The following SPECC1L variants were observed in gnomAD, a reference collection of about 807,000 sequenced individuals.
SPECC1L encodes the protein cytospin-A.
SPECC1L carries 40 observed loss-of-function variants against 116.8 expected under a neutral mutation model. That is an observed-to-expected ratio of 0.34 (90% confidence interval 0.27 to 0.45). The LOEUF (loss-of-function observed/expected upper bound fraction) is 0.45, where lower values mean the gene tolerates loss of function less well. SPECC1L is among the 20% of genes least tolerant of loss of function. The probability of loss-of-function intolerance (pLI) is 1.00; values close to 1 mark genes in which losing one functional copy is unlikely to be tolerated. For missense variants in SPECC1L, 1,110 were observed against 1,373.6 expected, an observed-to-expected ratio of 0.81 and a Z score of 3.03; for synonymous variants, 504 against 500.6, an observed-to-expected ratio of 1.01 and a Z score of -0.09.
intron 6 of SPECC1L, among the ~76,000 whole-genome samples, chr22:24,327,520 T>C (rs576432851): frequency 6.6e-6 from 1 of 152,180 alleles, no homozygotes; most frequent in South Asian, 2.1e-4. Context: ...AAGCAGGTGT[T>C]CACTATGCCT....
intron 14 of SPECC1L, among the ~76,000 whole-genome samples, chr22:24,384,900 C>T (rs2042131458): frequency 6.6e-6 from 1 of 151,914 alleles, no homozygotes; most frequent in Non-Finnish European, 1.5e-5. Flanking sequence ...CATAGTGAAA[C>T]CCCGTCTCAA....
chr22:24,335,819 C>T (rs1409663654), intron 9 of SPECC1L, among the ~76,000 whole-genome samples: 2 of 151,360 alleles, frequency 1.3e-5, no homozygotes, highest in African/African-American at 4.9e-5. Flanking sequence ...AAGTATTATG[C>T]ATAAAGATGG....
chr22:24,372,665 A>G (rs1054520388), intron 14 of SPECC1L, among the ~76,000 whole-genome samples: 9 of 151,236 alleles, frequency 6.0e-5, no homozygotes, highest in African/African-American at 2.0e-4. Flanking sequence ...CACAGCCAAT[A>G]TCATACTGAA....
At chr22:24,374,185 T>G (rs899141155) in intron 14 of SPECC1L, among the ~76,000 whole-genome samples, 8 of 152,034 alleles carry the variant, frequency 5.3e-5, no homozygotes, top group Non-Finnish European at 1.0e-4. Flanking sequence ...GACTGTAAAC[T>G]AGTTCAACCA....
At chr22:24,303,293 T>G (rs1032275966) in intron 3 of SPECC1L, among the ~76,000 whole-genome samples, 5 of 152,202 alleles carry the variant, frequency 3.3e-5, no homozygotes, top group Admixed American at 6.5e-5. Context: ...CCAGGCTTAT[T>G]CCCTTGGCTC....
chr22:24,317,979 G>A (rs1177139182), intron 4 of SPECC1L, among the ~76,000 whole-genome samples: 1 of 150,806 alleles, frequency 6.6e-6, no homozygotes, highest in South Asian at 2.1e-4. Flanking sequence ...CCGGGAAGAG[G>A]CGCTCCTCAC....
intron 14 of SPECC1L, among the ~76,000 whole-genome samples, chr22:24,411,127 T>G (rs1352749258): frequency 2.6e-5 from 4 of 151,904 alleles, no homozygotes; most frequent in South Asian, 2.1e-4. Context: ...AGGTAGAGGT[T>G]GTAGTGAGCC....
chr22:24,343,118 C>T (rs556262574), intron 10 of SPECC1L, among the ~76,000 whole-genome samples: 13 of 152,164 alleles, frequency 8.5e-5, no homozygotes, highest in East Asian at 1.9e-4. Flanking sequence ...CACTTTAACC[C>T]GGGAGGCAGA....
intron 4 of SPECC1L, among the ~76,000 whole-genome samples, chr22:24,316,111 G>A (rs1041938285): frequency 2.0e-5 from 3 of 152,168 alleles, no homozygotes; most frequent in South Asian, 2.1e-4. Context: ...TTATTCTTCA[G>A]TTCATCTGCT....
At chr22:24,393,780 GAT>G (rs913788287) in intron 14 of SPECC1L, among the ~76,000 whole-genome samples, 2 of 152,086 alleles carry the variant, frequency 1.3e-5, no homozygotes, top group Admixed American at 1.3e-4. Context: ...ATCACCACAT[GAT>G]AGACAAACCA....
intron 1 of SPECC1L, among the ~76,000 whole-genome samples, chr22:24,273,458 A>G (rs1295880404): frequency 1.3e-5 from 2 of 152,224 alleles, no homozygotes; most frequent in Non-Finnish European, 2.9e-5. Flanking sequence ...AATGATGGTG[A>G]TAGTAAATGG....
chr22:24,351,395 G>A (rs974376745), intron 11 of SPECC1L, among the ~76,000 whole-genome samples: 1 of 152,174 alleles, frequency 6.6e-6, no homozygotes, highest in Non-Finnish European at 1.5e-5. Flanking sequence ...TGTAGGCCAA[G>A]GTTATTGAAA....
intron 14 of SPECC1L, among the ~76,000 whole-genome samples, chr22:24,373,993 T>G (rs2041921156): frequency 6.6e-6 from 1 of 152,118 alleles, no homozygotes; most frequent in African/African-American, 2.4e-5. Context: ...AAAGAAGACA[T>G]TTATGCAGCC....
chr22:24,357,938 T>C (rs978741269), intron 11 of SPECC1L, among the ~76,000 whole-genome samples: 3 of 152,170 alleles, frequency 2.0e-5, no homozygotes, highest in African/African-American at 7.2e-5. Flanking sequence ...ACTGGTCACA[T>C]TTGTAATAGC....
chr22:24,317,135 C>A (rs1361994763), intron 4 of SPECC1L, among the ~76,000 whole-genome samples: 1 of 103,796 alleles, frequency 9.6e-6, no homozygotes, highest in East Asian at 3.1e-4. Flanking sequence ...GGGCGGGGGG[C>A]TGACCCCCCT....
At position 24,322,201 on chromosome 22, in the gene SPECC1L, A is replaced by G. The variant is rs779793276; in HGVS notation, c.1221A>G (p.Gln407=). The change falls in exon 5 of 17, where the codon CAA becomes CAG. Residue 407 remains glutamine (Q), a synonymous_variant. Transcript: ENST00000314328. ...GGATACACCAGATGGAAGAGAACCA[A>G]CACAGTACAAGTGAGGAACTCCAGG... ...TERIHQMEEN[Q]HSTSEELQAT... 6.2e-7 allele frequency: 1 copy of G among 1,614,118 alleles called. No individual in the cohort carries two copies. Among genetic ancestry groups the G allele is most frequent in the Non-Finnish European group, 8.5e-7 (1 of 1,180,040 alleles).
intron 8 of SPECC1L, among the ~76,000 whole-genome samples, chr22:24,333,401 T>C (rs1353226398): frequency 6.6e-6 from 1 of 152,196 alleles, no homozygotes; most frequent in Non-Finnish European, 1.5e-5. Context: ...ATACAAACTC[T>C]GCAATTGTAA....
In SPECC1L at chr22:24,321,370, C is replaced by T. The variant is rs1209873277; in HGVS notation, c.390C>T (p.Thr130=). The part of the protein sequence containing the change: ...SSTRERLRER[T]RLNQSKKLPS... ...CTAGAGAAAGATTACGTGAACGTAC[C>T]CGATTAAACCAGAGCAAAAAACTAC... Residue 130 remains threonine (T), a synonymous_variant, in exon 5 of 17, where the codon ACC becomes ACT. Transcript: ENST00000314328. 2 of 1,614,226 alleles carry T rather than the reference C, an allele frequency of 1.2e-6. No homozygotes were observed. Among genetic ancestry groups the T allele is most frequent in the Admixed American group, 1.7e-5 (1 of 60,024 alleles).
chr22:24,389,257 C>T (rs562277650), intron 14 of SPECC1L, among the ~76,000 whole-genome samples: 3 of 152,108 alleles, frequency 2.0e-5, no homozygotes, highest in African/African-American at 7.2e-5. Context: ...GCTGGGATTA[C>T]AGGTGCATGC....
Sources: allele counts gnomAD v4.1 joint callset (sites outside exome capture counted in the v4.1 genomes callset), GRCh38; gene constraint gnomAD v4.1.1; transcripts MANE v1.5; gene names NCBI Gene and HGNC (gene_info 2026-07-23, HGNC 2026-07-21).